TMC1: variants seen among roughly 807,000 people sequenced by gnomAD.
TMC1 encodes the protein transmembrane channel-like protein 1.
TMC1 carries 84 observed loss-of-function variants against 105.8 expected under a neutral mutation model. That is an observed-to-expected ratio of 0.79 (90% CI 0.67 to 0.95). The LOEUF is 0.95. Ranked by LOEUF, TMC1 falls within the 40% of genes least tolerant of loss-of-function variation. TMC1 has a pLI of 0.00. For synonymous variants in TMC1, 315 were observed against 311.5 expected (o/e 1.01, Z -0.12); for missense variants, 817 against 914.1 (o/e 0.89, Z 1.37).
intron 12 of TMC1, among the ~76,000 whole-genome samples, chr9:72,760,229 C>T (rs1057381108): frequency 1.3e-5 from 2 of 151,978 alleles, no homozygotes. Context: ...CAATAAAAAT[C>T]GTATATTTGC....
intron 1 of TMC1, among the ~76,000 whole-genome samples, chr9:72,571,108 A>T (rs1041356638): frequency 6.9e-6 from 1 of 145,296 alleles, no homozygotes; most frequent in Non-Finnish European, 1.5e-5. Flanking sequence ...GGATCATTTG[A>T]GGTCAGGAGT....
intron 5 of TMC1, among the ~76,000 whole-genome samples, chr9:72,661,816 A>C (rs1053563924): frequency 2.0e-5 from 3 of 152,228 alleles, no homozygotes; most frequent in African/African-American, 7.2e-5. Context: ...TCCAAGGATG[A>C]GGTGAGTTTG....
At chr9:72,823,144 G>C (rs1162463035) in intron 20 of TMC1, among the ~76,000 whole-genome samples, 1 of 152,104 alleles carries the variant, frequency 6.6e-6, no homozygotes, top group African/African-American at 2.4e-5. Context: ...ATTTTCAATG[G>C]AGTACTGGGA....
At chr9:72,704,356 T>G (rs2589626) in intron 8 of TMC1, among the ~76,000 whole-genome samples, 36,244 of 151,976 alleles carry the variant, frequency 0.24, 4,759 homozygotes, top group East Asian at 0.39. Context: ...TTTTAGACAG[T>G]GTCAGGGTTT....
rs7027171 is a variant in TMC1, at chr9:72,715,680, T to C, written c.362+15037T>C. On this transcript the variant is annotated intron_variant, in intron 8 of 23. Transcript: ENST00000297784. ...TTGTCTAACCTTTTTTCAAGGTTCT[T>C]AGCTTCTTTTCATTGGGTTAGAACA... is the stretch of plus-strand genomic sequence containing the variant. Among the ~76,000 whole-genome samples, 843 of 152,264 alleles carry C rather than the reference T, an allele frequency of 5.5e-3. 8 individuals carry two copies. Among genetic ancestry groups the C allele is most frequent in the African/African-American group, 0.019 (789 of 41,558 alleles).
intron 1 of TMC1, among the ~76,000 whole-genome samples, chr9:72,537,375 T>A (rs1168282634): frequency 6.6e-6 from 1 of 152,172 alleles, no homozygotes; most frequent in Non-Finnish European, 1.5e-5. Context: ...ATTCCTCTCC[T>A]GAAAACACTC....
At chr9:72,766,443 A>G (rs981505321) in intron 12 of TMC1, among the ~76,000 whole-genome samples, 3 of 151,712 alleles carry the variant, frequency 2.0e-5, no homozygotes, top group Non-Finnish European at 2.9e-5. Flanking sequence ...AAGTATTAGC[A>G]TGGCTCTGGC....
chr9:72,789,539 C>T (rs1828229993), intron 15 of TMC1, among the ~76,000 whole-genome samples: 1 of 151,952 alleles, frequency 6.6e-6, no homozygotes, highest in Admixed American at 6.6e-5. Flanking sequence ...AAGTTAGAGT[C>T]AGAAAAGATA....
In TMC1 at chr9:72,793,771, T is replaced by A. The variant is rs182533105; in HGVS notation, c.1566+1419T>A. ...GTCCCAATATACTGCAGCAGCCCTA[T>A]GAAAAAGTGACCAGACTTTTACATG... is the stretch of plus-strand genomic sequence containing the variant. On this transcript the variant is annotated intron_variant, in intron 17 of 23. Coordinates refer to ENST00000297784, the MANE Select transcript of TMC1 (RefSeq NM_138691.3). Among the ~76,000 whole-genome samples the A allele has an allele frequency of 1.2e-3, 187 of 152,312 alleles. 1 individual carries two copies. In the South Asian group the frequency reaches 0.026, roughly 21 times the overall value.
At chr9:72,567,659 C>T (rs181980571) in intron 1 of TMC1, among the ~76,000 whole-genome samples, 52 of 152,192 alleles carry the variant, frequency 3.4e-4, no homozygotes, top group Non-Finnish European at 2.1e-4. Context: ...AAACCGCCCC[C>T]CATGATCCGA....
At chr9:72,687,781 CTGTT>C (rs1826400898) in intron 5 of TMC1, among the ~76,000 whole-genome samples, 1 of 152,112 alleles carries the variant, frequency 6.6e-6, no homozygotes, top group African/African-American at 2.4e-5. Flanking sequence ...CACAGCAACA[CTGTT>C]TGTCATCTTT....
chr9:72,556,179 C>A (rs7041143), intron 1 of TMC1, among the ~76,000 whole-genome samples: 1 of 150,142 alleles, frequency 6.7e-6, no homozygotes, highest in East Asian at 2.0e-4. Context: ...TACAATGGTG[C>A]GATCTCAGCT....
At chr9:72,561,317 CAAAAAAAAAAAAA>C (rs375862130) in intron 1 of TMC1, among the ~76,000 whole-genome samples, 3,187 of 76,582 alleles carry the variant, frequency 0.042, 82 homozygotes, top group Non-Finnish European at 0.047. Flanking sequence ...GACTCCGTCT[CAAAAAAAAAAAAA>C]AAAAAAAAAA....
chr9:72,786,460 A>G (rs772207059), intron 13 of TMC1, among the ~76,000 whole-genome samples: 21 of 150,262 alleles, frequency 1.4e-4, no homozygotes, highest in Non-Finnish European at 2.6e-4. Flanking sequence ...AACAAAACAA[A>G]AACAAAAACA....
chr9:72,649,922 C>T (rs1825772986), intron 5 of TMC1, among the ~76,000 whole-genome samples: 1 of 152,166 alleles, frequency 6.6e-6, no homozygotes. Flanking sequence ...ATCTTAATTG[C>T]CAACCATCTC....
chr9:72,632,503 C>T lies in TMC1; in HGVS notation c.-53+4440C>T, dbSNP rs1295680757. Among the ~76,000 whole-genome samples the T allele has an allele frequency of 3.3e-5, 5 of 151,782 alleles. No homozygotes were observed. The East Asian group carries it at 5.8e-4, about 18-fold the overall frequency. ...TTCCCCAGGGCATAGGGTAAGAGGA[C>T]GAGGGGCTGGAAAAAGAAAGGTAAT... On this transcript the variant is annotated intron_variant, in intron 4 of 23. Transcript: ENST00000297784.
intron 8 of TMC1, among the ~76,000 whole-genome samples, chr9:72,725,591 A>G (rs1224752094): frequency 6.6e-6 from 1 of 150,886 alleles, no homozygotes; most frequent in Non-Finnish European, 1.5e-5. Flanking sequence ...TCATTTTCAG[A>G]TTTTTCTGCT....
intron 4 of TMC1, among the ~76,000 whole-genome samples, chr9:72,630,979 TACCTCAG>T (rs1410887908): frequency 6.6e-6 from 1 of 152,046 alleles, no homozygotes; most frequent in Non-Finnish European, 1.5e-5. Context: ...TCAATTATTC[TACCTCAG>T]CCTCCAGAGT....
At chr9:72,541,085 A>G (rs1274684204) in intron 1 of TMC1, among the ~76,000 whole-genome samples, 2 of 152,022 alleles carry the variant, frequency 1.3e-5, no homozygotes, top group Non-Finnish European at 2.9e-5. Context: ...CTTTTTCTCA[A>G]TGCCAAATTG....
Sources: allele counts gnomAD v4.1 joint callset (sites outside exome capture counted in the v4.1 genomes callset), GRCh38; gene constraint gnomAD v4.1.1; transcripts MANE v1.5; gene names NCBI Gene and HGNC (gene_info 2026-07-23, HGNC 2026-07-21).